PCDHGB4: variants seen among roughly 807,000 people sequenced by gnomAD.
The protein encoded by PCDHGB4 is protocadherin gamma subfamily B, 4, also known as protocadherin gamma-B4.
Under a neutral mutation model 60.5 loss-of-function variants are expected in PCDHGB4, and 38 were observed. The ratio of observed to expected loss-of-function variants is 0.63; its 90% CI spans 0.48 to 0.82. The LOEUF (loss-of-function observed/expected upper bound fraction) is 0.82. PCDHGB4 is among the 40% of genes least tolerant of loss of function. The pLI, the probability that PCDHGB4 is intolerant of heterozygous loss-of-function variation, is 0.00. For missense variants in PCDHGB4, 1,109 were observed against 1,209.6 expected (o/e 0.92, Z 1.23); for synonymous variants, 456 against 509.7 (o/e 0.89, Z 1.42).
rs1375469711 is a variant in PCDHGB4 at position 141,512,102 on chromosome 5, C to G, written c.*929C>G. On this transcript the variant is annotated 3_prime_UTR_variant, in exon 4 of 4. Coordinates refer to ENST00000519479, the MANE Select transcript of PCDHGB4 (RefSeq NM_003736.4). Reference sequence around the variant, plus strand: ...GCCATAAACCAATAACTAGGCTGGACCCTTCCCACTACATAATAGGGCTCA... The same window carrying G: ...GCCATAAACCAATAACTAGGCTGGAGCCTTCCCACTACATAATAGGGCTCA... The G allele has an allele frequency of 6.5e-6, 1 of 152,806 alleles. No individual in the cohort carries two copies. The highest frequency in any genetic ancestry group is 1.9e-4 in the East Asian group (1 of 5,182). The allele number at this position is 152,806 out of a possible 1,614,324, so 9.5% of individuals were successfully genotyped here. A position where few individuals can be genotyped will look rare whatever the true frequency, so the allele number is the denominator to read the frequency against.
chr5:141,417,824 G>A (rs2096165363), intron 1 of PCDHGB4: 4 of 1,518,120 alleles, frequency 2.6e-6, no homozygotes, highest in Non-Finnish European at 3.5e-6. Context: ...TTCTCCAACT[G>A]GAAAAGCGGG....
Position 141,414,286 on chromosome 5 carries a change from G to A in PCDHGB4, c.2397+24005G>A, listed in dbSNP as rs2095728607. ...AGATTCACCTCTGGGAACAGTCGTA[G>A]CCCTTTTAAATGTGCATGATTTAGA... On this transcript the variant is annotated intron_variant, in intron 1 of 3. Coordinates refer to ENST00000519479, the MANE Select transcript of PCDHGB4 (RefSeq NM_003736.4). 1.9e-6 allele frequency: 3 copies of A among 1,613,586 alleles called. No individual in the cohort carries two copies. The highest frequency in any genetic ancestry group is 2.5e-6 in the Non-Finnish European group (3 of 1,179,770).
At chr5:141,503,332 C>T (rs536647792) in intron 2 of PCDHGB4, among the ~76,000 whole-genome samples, 5 of 152,074 alleles carry the variant, frequency 3.3e-5, no homozygotes, top group Admixed American at 6.5e-5. Context: ...CGCGGTGGCT[C>T]ACGCCTGTAA....
In PCDHGB4 at chr5:141,512,249, T is replaced by A. The variant is rs1159090773; in HGVS notation, c.*1076T>A. 6.6e-6 allele frequency: 1 copy of A among 152,598 alleles called. No individual in the cohort carries two copies. The allele number at this position is 152,598 out of a possible 1,614,324, so 9.5% of individuals were successfully genotyped here. On this transcript the variant is annotated 3_prime_UTR_variant, in exon 4 of 4. Coordinates refer to ENST00000519479, the MANE Select transcript of PCDHGB4 (RefSeq NM_003736.4). Reference sequence around the variant, plus strand: ...CCTTGAGAGGTCAGAGGGGCCTCTGTGGGTGCTGGGTACTCCAGAGGTGCC... The same window carrying A: ...CCTTGAGAGGTCAGAGGGGCCTCTGAGGGTGCTGGGTACTCCAGAGGTGCC...
chr5:141,399,515 C>A, intron 1 of PCDHGB4: 13 of 1,614,040 alleles, frequency 8.1e-6, no homozygotes, highest in Non-Finnish European at 1.1e-5. Flanking sequence ...AACAACCCTC[C>A]TGGGGCCTCC....
At position 141,389,724 on chromosome 5, in the gene PCDHGB4, C is replaced by A; in HGVS notation, c.1840C>A (p.Leu614Ile). Residue 614 changes from leucine to isoleucine, a missense_variant, in exon 1 of 4, where the codon CTC becomes ATC. Leu to Ile is a conservative substitution (Grantham distance 5). Coordinates refer to ENST00000519479, the MANE Select transcript of PCDHGB4 (RefSeq NM_003736.4). ...CGTGCTGCAGGCTAGCGAGCCCGGG[C>A]TCTTCAGCCTGGGGCTGCGCACGGG... ...YHVLQASEPG[L>I]FSLGLRTGEV... The A allele has an allele frequency of 1.9e-6, 3 of 1,612,722 alleles. No homozygotes were observed. Among genetic ancestry groups the A allele is most frequent in the African/African-American group, 1.3e-5 (1 of 75,050 alleles).
At chr5:141,508,835 C>T (rs1190105775) in intron 3 of PCDHGB4, among the ~76,000 whole-genome samples, 12 of 152,158 alleles carry the variant, frequency 7.9e-5, no homozygotes, top group African/African-American at 2.9e-4. Flanking sequence ...CCCCCCTCCC[C>T]TACCCCTTCC....
In PCDHGB4 at chr5:141,485,849, G is replaced by A. The variant is rs777288674; in HGVS notation, c.2398-8958G>A. ...AGGGAACCCGCCGAGATCTGGCACC[G>A]CAGAGCTCCGGGTATCCGTGCTGGA... On this transcript the variant is annotated intron_variant, in intron 1 of 3. Transcript: ENST00000519479. The surrounding 1 kb of genome is among the most constrained non-coding windows in gnomAD (Gnocchi z 5.7). 3 of 1,614,130 alleles carry A rather than the reference G, an allele frequency of 1.9e-6. No individual in the cohort carries two copies. In the South Asian group the frequency reaches 3.3e-5, roughly 18 times the overall value.
intron 1 of PCDHGB4, among the ~76,000 whole-genome samples, chr5:141,469,232 A>AC (rs1350524557): frequency 2.0e-5 from 3 of 151,722 alleles, no homozygotes; most frequent in Non-Finnish European, 4.4e-5. Flanking sequence ...AGCCATGATC[A>AC]CCCCACTGCA....
chr5:141,491,855 G>A lies in PCDHGB4; in HGVS notation c.2398-2952G>A. ...TTCTCGGGATCATTGGACCGTTTGC[G>A]CGAAACCAGAGTGGCCGATTAAGGG... On this transcript the variant is annotated intron_variant, in intron 1 of 3. Coordinates refer to ENST00000519479, the MANE Select transcript of PCDHGB4 (RefSeq NM_003736.4). The surrounding 1 kb of genome is among the most constrained non-coding windows in gnomAD (Gnocchi z 6.9). The A allele has an allele frequency of 2.7e-6, 4 of 1,459,380 alleles. No individual in the cohort carries two copies. The highest frequency in any genetic ancestry group is 3.6e-6 in the Non-Finnish European group (4 of 1,103,492). The allele number at this position is 1,459,380 out of a possible 1,614,324, so 90.4% of individuals were successfully genotyped here. A position where few individuals can be genotyped will look rare whatever the true frequency, so the allele number is the denominator to read the frequency against.
intron 1 of PCDHGB4, chr5:141,399,416 C>T: frequency 6.2e-7 from 1 of 1,614,046 alleles, no homozygotes; most frequent in African/African-American, 1.3e-5. Context: ...CCCCTCTCCT[C>T]CAGCATAAGC....
rs1421541308 is a variant in PCDHGB4 at position 141,409,559 on chromosome 5, G to C, written c.2397+19278G>C. On this transcript the variant is annotated intron_variant, in intron 1 of 3. Coordinates refer to ENST00000519479, the MANE Select transcript of PCDHGB4 (RefSeq NM_003736.4). The stretch of plus-strand genomic sequence containing the variant: ...CATCAACGACAACGCCCCAGTTTTC[G>C]ACCAGACGTCCTACGTGGTCCACGT... The C allele has an allele frequency of 1.9e-6, 3 of 1,613,936 alleles. No individual in the cohort carries two copies. The highest frequency in any genetic ancestry group is 1.7e-6 in the Non-Finnish European group (2 of 1,179,910).
rs961891623 is a variant in PCDHGB4 at position 141,487,938 on chromosome 5, GC to G, written c.2398-6868del. The G allele has an allele frequency of 2.8e-5, 17 of 600,188 alleles. No homozygotes were observed. The highest frequency in any genetic ancestry group is 4.7e-5 in the Non-Finnish European group (16 of 342,978). 37.2% of individuals were successfully genotyped at this position (600,188 alleles called of 1,614,324 possible). ...GAGGCTACAGTGCACAGGGTACAGTGCACCAGGCAGTCACTTGGACAAAGGT... is the reference window on the plus strand; with the variant it reads ...GAGGCTACAGTGCACAGGGTACAGTGACCAGGCAGTCACTTGGACAAAGGT... On this transcript the variant is annotated intron_variant, in intron 1 of 3. Coordinates refer to ENST00000519479, the MANE Select transcript of PCDHGB4 (RefSeq NM_003736.4). The surrounding 1 kb of genome is among the most constrained non-coding windows in gnomAD (Gnocchi z 5.0).
intron 1 of PCDHGB4, chr5:141,413,404 C>T: frequency 6.2e-7 from 1 of 1,614,046 alleles, no homozygotes; most frequent in Non-Finnish European, 8.5e-7. Context: ...AGGTAGGACG[C>T]AGCTTTTCTC....
chr5:141,446,778 T>C (rs2098515519), intron 1 of PCDHGB4, among the ~76,000 whole-genome samples: 1 of 152,116 alleles, frequency 6.6e-6, no homozygotes, highest in South Asian at 2.1e-4. Flanking sequence ...GTTACCATTC[T>C]TTTACTCTGA....
intron 1 of PCDHGB4, chr5:141,418,385 G>T: frequency 6.2e-7 from 1 of 1,613,930 alleles, no homozygotes; most frequent in Non-Finnish European, 8.5e-7. Context: ...AAGTCCTAAC[G>T]AGTATTTCTC....
chr5:141,412,893 A>C (rs1190008207), intron 1 of PCDHGB4: 6 of 340,884 alleles, frequency 1.8e-5, no homozygotes, highest in Non-Finnish European at 2.6e-5. Flanking sequence ...AGAATAGTTT[A>C]CTTTCCATTG....
At chr5:141,419,313 G>T in intron 1 of PCDHGB4, 1 of 1,613,974 alleles carries the variant, frequency 6.2e-7, no homozygotes, top group Non-Finnish European at 8.5e-7. Context: ...GGGCTCAACG[G>T]CCGTGTCTCC....
chr5:141,511,361 G>C lies in PCDHGB4; in HGVS notation c.*188G>C, dbSNP rs2099883750. 7.4e-7 allele frequency: 1 copy of C among 1,345,388 alleles called. No individual in the cohort carries two copies. Among genetic ancestry groups the C allele is most frequent in the Non-Finnish European group, 9.9e-7 (1 of 1,006,550 alleles). The allele number at this position is 1,345,388 out of a possible 1,614,324, so 83.3% of individuals were successfully genotyped here. On this transcript the variant is annotated 3_prime_UTR_variant, in exon 4 of 4. Transcript: ENST00000519479. ...CCTACCCCTTCCCCCCCAGGGGGTTGAATATGCAAAAGCAGTTCCGCTGGG... is the reference window on the plus strand; with the variant it reads ...CCTACCCCTTCCCCCCCAGGGGGTTCAATATGCAAAAGCAGTTCCGCTGGG...
Sources: allele counts gnomAD v4.1 joint callset (sites outside exome capture counted in the v4.1 genomes callset), GRCh38; gene constraint gnomAD v4.1.1; non-coding constraint Gnocchi (gnomAD v3.1); transcripts MANE v1.5; gene names NCBI Gene and HGNC (gene_info 2026-07-23, HGNC 2026-07-21).